The following CCR6 variants were observed in gnomAD, a reference collection of about 807,000 sequenced individuals.
CCR6 encodes the protein C-C motif chemokine receptor 6.
In CCR6, 2 loss-of-function variants were observed where a neutral mutation model predicts 3.0. The ratio of observed to expected loss-of-function variants is 0.66; its 90% confidence interval spans 0.27 to 2.07. The LOEUF is 2.07. Ranked by LOEUF, CCR6 falls within the 30% of genes most tolerant of loss-of-function variation. CCR6 has a pLI of 0.14. For synonymous variants in CCR6, 193 were observed against 184.3 expected, an observed-to-expected ratio of 1.05 and a Z score of -0.38; for missense variants, 322 against 462.8, an observed-to-expected ratio of 0.70 and a Z score of 2.79.
chr6:167,116,345 C>G (rs1360577850), intron 1 of CCR6, among the ~76,000 whole-genome samples: 2 of 152,224 alleles, frequency 1.3e-5, no homozygotes, highest in Non-Finnish European at 2.9e-5. Context: ...TGGGAATTCT[C>G]TCTCTCCAGC....
chr6:167,131,235 G>C (rs543322254), intron 1 of CCR6: 5 of 152,352 alleles, frequency 3.3e-5, no homozygotes, highest in African/African-American at 1.2e-4. Flanking sequence ...TTGAGTCATC[G>C]CTGCACTTCA....
At chr6:167,135,975 C>A in intron 1 of CCR6, 63 bp from the exon 2 acceptor site, 2 of 727,834 alleles carry the variant, frequency 2.7e-6, no homozygotes, top group Non-Finnish European at 2.4e-6. Flanking sequence ...GGTAACTTAA[C>A]TGTCTGGCTC....
intron 1 of CCR6, among the ~76,000 whole-genome samples, chr6:167,133,928 G>A (rs1015433119): frequency 1.2e-4 from 5 of 40,598 alleles, no homozygotes; most frequent in South Asian, 1.2e-3. Flanking sequence ...TATGATATAT[G>A]TGTGTATATA....
At position 167,137,829 on chromosome 6, in the gene CCR6, G is replaced by T. The variant is rs1165719318; in HGVS notation, c.*474G>T. ...ATTTTTATCTATCAGAATGTTTATT[G>T]TTGCTGGTTATAAGCAGCAGGATTG... On this transcript the variant is annotated 3_prime_UTR_variant, in exon 3 of 3. Transcript: ENST00000341935. This position sits in a 1 kb window ranked among gnomAD's most constrained non-coding sequence, Gnocchi z 4.6. 6.2e-6 allele frequency: 1 copy of T among 160,708 alleles called. No individual in the cohort carries two copies. The highest frequency in any genetic ancestry group is 1.4e-5 in the Non-Finnish European group (1 of 72,472). The allele number at this position is 160,708 out of a possible 1,614,324, so 10.0% of individuals were successfully genotyped here.
intron 1 of CCR6, among the ~76,000 whole-genome samples, chr6:167,116,588 C>G (rs1426692930): frequency 2.0e-5 from 3 of 152,218 alleles, no homozygotes; most frequent in Non-Finnish European, 4.4e-5. Flanking sequence ...TGCTCTTTCT[C>G]CCTGCAGGCA....
At chr6:167,127,230 C>A (rs1255951005) in intron 1 of CCR6, 1 of 152,196 alleles carries the variant, frequency 6.6e-6, no homozygotes, top group Non-Finnish European at 1.5e-5. Flanking sequence ...TCACACACTG[C>A]AGCTTGGAAC....
rs548128468 is a variant in CCR6 at position 167,127,252 on chromosome 6, A to T, written c.-98+4029A>T. ...CTGCAGCTTGGAACTCCTGGCCTCAAAAATTTCCCAAAGTGTTTCCAAAGA... is the reference window on the plus strand; with the variant it reads ...CTGCAGCTTGGAACTCCTGGCCTCATAAATTTCCCAAAGTGTTTCCAAAGA... On this transcript the variant is annotated intron_variant, in intron 1 of 2. Transcript: ENST00000341935. 7.9e-5 allele frequency: 12 copies of T among 152,336 alleles called. No individual in the cohort carries two copies. In the South Asian group the frequency reaches 2.3e-3, roughly 29 times the overall value. The allele number at this position is 152,336 out of a possible 1,614,324, so 9.4% of individuals were successfully genotyped here.
rs775586288 is a variant in CCR6 at position 167,136,935 on chromosome 6, G to A, written c.705G>A (p.Thr235=). The change falls in exon 3 of 3, where the codon ACG becomes ACA. Residue 235 remains threonine, a synonymous_variant. Coordinates refer to ENST00000341935, the MANE Select transcript of CCR6 (RefSeq NM_031409.4). The surrounding 1 kb of genome is among the most constrained non-coding windows in gnomAD (Gnocchi z 4.6). Reference sequence around the variant, plus strand: ...TGATGTTCATGATATTTTGTTACACGTTCATTGTCAAAACCTTGGTGCAAG... The same window carrying A: ...TGATGTTCATGATATTTTGTTACACATTCATTGTCAAAACCTTGGTGCAAG... ...IPLMFMIFCY[T]FIVKTLVQAQ... is the part of the protein sequence containing the mutation. 6 of 1,614,012 alleles carry A rather than the reference G, an allele frequency of 3.7e-6. No homozygotes were observed. The highest frequency in any genetic ancestry group is 3.3e-5 in the Admixed American group (2 of 59,986).
chr6:167,123,268 CT>C (rs1399585512), intron 1 of CCR6, 45 bp downstream of exon 1: 5 of 152,768 alleles, frequency 3.3e-5, no homozygotes, highest in Non-Finnish European at 7.3e-5. Flanking sequence ...AAAAATGTAA[CT>C]TCTTTGATCC....
intron 1 of CCR6, among the ~76,000 whole-genome samples, chr6:167,134,338 T>G (rs1446851747): frequency 2.0e-5 from 3 of 152,108 alleles, no homozygotes; most frequent in Non-Finnish European, 4.4e-5. Flanking sequence ...ATACCACGCT[T>G]CTTCTGCATA....
chr6:167,129,284 C>T (rs1000836364), intron 1 of CCR6, among the ~76,000 whole-genome samples: 2 of 152,166 alleles, frequency 1.3e-5, no homozygotes, highest in Non-Finnish European at 2.9e-5. Flanking sequence ...TAACACCTCC[C>T]TGATCTGCAG....
At chr6:167,119,960 G>C (rs189495537), upstream of CCR6, among the ~76,000 whole-genome samples, 13 of 152,134 alleles carry the variant, frequency 8.5e-5, no homozygotes, top group African/African-American at 3.1e-4. Context: ...GGAGGGTTTT[G>C]TAAAAACCAA....
At chr6:167,117,573 C>T (rs911770710) in intron 1 of CCR6, among the ~76,000 whole-genome samples, 60 of 151,734 alleles carry the variant, frequency 4.0e-4, no homozygotes, top group African/African-American at 1.1e-3. Flanking sequence ...CGCGCCACCA[C>T]GCCCGGCTAA....
At chr6:167,127,232 G>T (rs529914426) in intron 1 of CCR6, 1 of 152,180 alleles carries the variant, frequency 6.6e-6, no homozygotes, top group East Asian at 1.9e-4. Context: ...ACACACTGCA[G>T]CTTGGAACTC....
At chr6:167,121,177 C>T (rs984548975), upstream of CCR6, among the ~76,000 whole-genome samples, 4 of 152,330 alleles carry the variant, frequency 2.6e-5, no homozygotes, top group East Asian at 1.9e-4. Flanking sequence ...ACAGAAGGGG[C>T]CCCCACAGTG....
upstream of CCR6, among the ~76,000 whole-genome samples, chr6:167,121,232 C>T (rs1228848210): frequency 2.0e-5 from 3 of 152,278 alleles, no homozygotes; most frequent in Admixed American, 2.0e-4. Context: ...GTCATTGGGC[C>T]TCCTGGGTCC....
chr6:167,124,021 A>G (rs1781628780), intron 1 of CCR6, among the ~76,000 whole-genome samples: 1 of 152,178 alleles, frequency 6.6e-6, no homozygotes, highest in African/African-American at 2.4e-5. Context: ...CTGAGGCAGG[A>G]GAATCACTGG....
At chr6:167,120,147 C>T (rs563572902), upstream of CCR6, among the ~76,000 whole-genome samples, 11 of 152,164 alleles carry the variant, frequency 7.2e-5, no homozygotes, top group Middle Eastern at 6.8e-3. Flanking sequence ...CAACTGGGCT[C>T]GGCTGAGTGC....
At chr6:167,132,650 C>T (rs1266957063) in intron 1 of CCR6, among the ~76,000 whole-genome samples, 1 of 152,214 alleles carries the variant, frequency 6.6e-6, no homozygotes, top group East Asian at 1.9e-4. Context: ...AACTGATTCT[C>T]CTGCCTCAGC....
Sources: gnomAD v4.1 joint callset for allele counts (sites outside exome capture counted in the v4.1 genomes callset) on GRCh38, gnomAD v4.1.1 for gene constraint, Gnocchi (gnomAD v3.1) non-coding constraint, MANE v1.5 for transcripts, NCBI Gene and HGNC (gene_info 2026-07-23, HGNC 2026-07-21) for gene names.